The following RAB11FIP3 variants were observed in gnomAD, a reference collection of about 807,000 sequenced individuals.
RAB11FIP3 encodes the protein rab11 family-interacting protein 3.
Under a neutral mutation model 77.8 loss-of-function variants are expected in RAB11FIP3, and 17 were observed. The observed-to-expected ratio is 0.22, with a 90% CI of 0.15 to 0.33. The LOEUF (loss-of-function observed/expected upper bound fraction) is 0.33, where lower values mean the gene tolerates loss of function less well. Among genes scored for constraint, RAB11FIP3 ranks in the 10% least tolerant of loss-of-function variants. The probability of loss-of-function intolerance (pLI) is 1.00; values close to 1 mark genes in which losing one functional copy is unlikely to be tolerated. For missense variants in RAB11FIP3, 1,005 were observed against 1,011.2 expected, an observed-to-expected ratio of 0.99 and a Z score of 0.08; for synonymous variants, 437 against 448.2, an observed-to-expected ratio of 0.98 and a Z score of 0.31.
intron 2 of RAB11FIP3, among the ~76,000 whole-genome samples, chr16:465,740 G>A (rs2055691446): frequency 6.6e-6 from 1 of 152,154 alleles, no homozygotes; most frequent in South Asian, 2.1e-4. Flanking sequence ...CTCCCGAGTA[G>A]CTGAGACCAC....
chr16:435,529 A>G (rs2055113699), intron 1 of RAB11FIP3, among the ~76,000 whole-genome samples: 1 of 152,178 alleles, frequency 6.6e-6, no homozygotes, highest in South Asian at 2.1e-4. Flanking sequence ...CATCACACTT[A>G]CAACCAGGTA....
chr16:509,913 G>C (rs528371979), intron 8 of RAB11FIP3, among the ~76,000 whole-genome samples: 4 of 152,362 alleles, frequency 2.6e-5, no homozygotes, highest in Non-Finnish European at 4.4e-5. Context: ...GCTGAAGGCA[G>C]ACTCCGCCAG....
intron 1 of RAB11FIP3, among the ~76,000 whole-genome samples, chr16:453,613 A>C (rs1308999497): frequency 2.3e-5 from 3 of 132,778 alleles, no homozygotes; most frequent in African/African-American, 9.2e-5. Flanking sequence ...TTTTTGAAGC[A>C]GAGTTTTGCT....
intron 4 of RAB11FIP3, among the ~76,000 whole-genome samples, chr16:485,379 G>A (rs2056133841): frequency 6.6e-6 from 1 of 151,874 alleles, no homozygotes; most frequent in South Asian, 2.1e-4. Context: ...GCTGCTCTGT[G>A]GGTCTCCTTT....
chr16:429,062 G>GC (rs2054996039), intron 1 of RAB11FIP3, among the ~76,000 whole-genome samples: 1 of 152,112 alleles, frequency 6.6e-6, no homozygotes, highest in South Asian at 2.1e-4. Context: ...CTGGACTTGG[G>GC]CCGGCTTCCT....
chr16:426,108 G>A lies in RAB11FIP3; in HGVS notation c.102G>A (p.Pro34=). Residue 34 remains proline, a synonymous_variant, in exon 1 of 14, where the codon CCG becomes CCA. Transcript: ENST00000262305. This position sits in a 1 kb window ranked among gnomAD's most constrained non-coding sequence, Gnocchi z 5.0. The part of the protein sequence containing the change: ...PDGPGAAQLA[P]GPAELRLGAP... ...GGCCGGGGGCGGCACAACTGGCTCC[G>A]GGCCCTGCGGAGCTACGCCTCGGAG... The A allele has an allele frequency of 9.9e-7, 1 of 1,005,720 alleles. No homozygotes were observed. The highest frequency in any genetic ancestry group is 1.2e-6 in the Non-Finnish European group (1 of 844,868). The allele number at this position is 1,005,720 out of a possible 1,614,324, so 62.3% of individuals were successfully genotyped here. A position where few individuals can be genotyped will look rare whatever the true frequency, so the allele number is the denominator to read the frequency against.
At chr16:459,124 CTT>C (rs577962652) in intron 1 of RAB11FIP3, among the ~76,000 whole-genome samples, 53 of 135,480 alleles carry the variant, frequency 3.9e-4, no homozygotes, top group South Asian at 7.1e-4. Flanking sequence ...AGTGTTCAAA[CTT>C]TTTTTTTTTT....
At chr16:441,852 G>A (rs1478369646) in intron 1 of RAB11FIP3, among the ~76,000 whole-genome samples, 1 of 152,212 alleles carries the variant, frequency 6.6e-6, no homozygotes, top group South Asian at 2.1e-4. Context: ...TTGTTTGTTT[G>A]TTTTGAGACG....
intron 1 of RAB11FIP3, among the ~76,000 whole-genome samples, chr16:446,131 C>T (rs778918994): frequency 6.6e-6 from 1 of 152,090 alleles, no homozygotes; most frequent in Non-Finnish European, 1.5e-5. Context: ...CGTGTCTCAA[C>T]TACTCGGGAG....
chr16:489,360 G>A (rs1168174462), intron 5 of RAB11FIP3, among the ~76,000 whole-genome samples: 2 of 152,220 alleles, frequency 1.3e-5, no homozygotes, highest in Non-Finnish European at 2.9e-5. Flanking sequence ...TGAGTCTTCA[G>A]ATTCATTTCC....
chr16:441,725 G>A (rs1318309722), intron 1 of RAB11FIP3, among the ~76,000 whole-genome samples: 2 of 152,144 alleles, frequency 1.3e-5, no homozygotes, highest in Non-Finnish European at 2.9e-5. Context: ...TCCCACACCA[G>A]GCACCCTTCC....
chr16:515,713 G>A (rs1030593318), intron 9 of RAB11FIP3, among the ~76,000 whole-genome samples: 3 of 151,964 alleles, frequency 2.0e-5, no homozygotes, highest in East Asian at 1.9e-4. Flanking sequence ...TTTGCATCTC[G>A]GAGCAGCCAC....
intron 9 of RAB11FIP3, among the ~76,000 whole-genome samples, chr16:515,729 C>T (rs1389280581): frequency 3.3e-5 from 5 of 150,692 alleles, no homozygotes; most frequent in African/African-American, 9.8e-5. Flanking sequence ...GCCACACGGC[C>T]GACACGTGTT....
intron 1 of RAB11FIP3, among the ~76,000 whole-genome samples, chr16:455,220 C>T (rs1052505357): frequency 3.3e-5 from 5 of 151,790 alleles, no homozygotes; most frequent in Non-Finnish European, 5.9e-5. Flanking sequence ...TGGCTCACGC[C>T]GGTAATCCCA....
intron 1 of RAB11FIP3, among the ~76,000 whole-genome samples, chr16:443,669 G>A (rs1260449906): frequency 1.3e-5 from 2 of 152,098 alleles, no homozygotes; most frequent in Non-Finnish European, 2.9e-5. Context: ...AGGTTCAAGC[G>A]ATTCTCCTGC....
intron 1 of RAB11FIP3, chr16:451,377 G>GA (rs1355053846): frequency 6.6e-6 from 1 of 152,050 alleles, no homozygotes; most frequent in African/African-American, 2.4e-5. Flanking sequence ...CCCGTATCAG[G>GA]GAGCTTCTTA....
intron 5 of RAB11FIP3, among the ~76,000 whole-genome samples, chr16:492,445 C>CCCGT (rs1164884071): frequency 2.3e-5 from 2 of 85,430 alleles, no homozygotes; most frequent in African/African-American, 1.9e-4. Context: ...CCCGAGGCCG[C>CCCGT]CCAGGGCCCT....
intron 1 of RAB11FIP3, among the ~76,000 whole-genome samples, chr16:435,782 T>G (rs1409391150): frequency 6.6e-6 from 1 of 151,938 alleles, no homozygotes; most frequent in African/African-American, 2.4e-5. Context: ...ATAAAAAAAT[T>G]TAAGTAAACC....
chr16:477,576 G>T, intron 3 of RAB11FIP3: 1 of 976,134 alleles, frequency 1.0e-6, no homozygotes, highest in East Asian at 1.1e-4. Context: ...CTGGCGTCCC[G>T]CAGGCCCAGC....
Sources: gnomAD v4.1 joint callset for allele counts (sites outside exome capture counted in the v4.1 genomes callset) on GRCh38, gnomAD v4.1.1 for gene constraint, Gnocchi (gnomAD v3.1) non-coding constraint, MANE v1.5 for transcripts, NCBI Gene and HGNC (gene_info 2026-07-23, HGNC 2026-07-21) for gene names.